The following GRAMD1B variants were observed in gnomAD, a reference collection of about 807,000 sequenced individuals.
The protein encoded by GRAMD1B is protein Aster-B.
In GRAMD1B, 37 loss-of-function variants were observed where a neutral mutation model predicts 99.7. The observed-to-expected ratio is 0.37, with a 90% confidence interval of 0.29 to 0.49. The LOEUF (loss-of-function observed/expected upper bound fraction) is 0.49, where lower values mean the gene tolerates loss of function less well. Ranked by LOEUF, GRAMD1B falls within the 20% of genes least tolerant of loss-of-function variation. The probability of loss-of-function intolerance (pLI) is 0.98; values close to 1 mark genes in which losing one functional copy is unlikely to be tolerated. For missense variants in GRAMD1B, 888 were observed against 1,009.2 expected (o/e 0.88, Z 1.63); for synonymous variants, 427 against 387.6 (o/e 1.10, Z -1.19).
At chr11:123,576,631 G>C (rs566324671) in intron 2 of GRAMD1B, among the ~76,000 whole-genome samples, 1 of 152,186 alleles carries the variant, frequency 6.6e-6, no homozygotes, top group Admixed American at 6.5e-5. Context: ...ATAAATGTTG[G>C]GGTAAGGGAA....
intron 2 of GRAMD1B, among the ~76,000 whole-genome samples, chr11:123,576,120 T>C (rs1948677428): frequency 6.6e-6 from 1 of 152,120 alleles, no homozygotes. Flanking sequence ...GATGTCCAGG[T>C]GGAAGGTTTT....
intron 1 of GRAMD1B, among the ~76,000 whole-genome samples, chr11:123,415,723 G>C (rs1350671306): frequency 6.6e-6 from 1 of 152,010 alleles, no homozygotes; most frequent in Admixed American, 6.6e-5. Context: ...ATTTAATAGC[G>C]ACTCTCCTGT....
chr11:123,514,666 A>T (rs1941499562), intron 2 of GRAMD1B, among the ~76,000 whole-genome samples: 2 of 152,182 alleles, frequency 1.3e-5, no homozygotes, highest in South Asian at 2.1e-4. Context: ...AGAAGCAGGG[A>T]GCTGAAGCGC....
chr11:123,406,545 C>A (rs909151310), intron 1 of GRAMD1B, among the ~76,000 whole-genome samples: 12 of 152,192 alleles, frequency 7.9e-5, no homozygotes, highest in African/African-American at 2.9e-4. Context: ...AGCCACTCTG[C>A]CGGGCCCATT....
chr11:123,560,450 G>T, intron 2 of GRAMD1B: 1 of 1,198,238 alleles, frequency 8.3e-7, no homozygotes, highest in Non-Finnish European at 1.1e-6. Flanking sequence ...GCAGAGCAAA[G>T]AAGCGCCCCC....
In GRAMD1B at chr11:123,491,474, C is replaced by T. The variant is rs187636672; in HGVS notation, c.452+10581C>T. 1.4e-4 allele frequency among the ~76,000 whole-genome samples: 21 copies of T among 152,274 alleles called. No individual in the cohort carries two copies. In the East Asian group the frequency reaches 2.5e-3, roughly 18 times the overall value. On this transcript the variant is annotated intron_variant, in intron 2 of 19. Transcript: ENST00000635736. ...CAGTGCTCCCTGCCCCTCCCCTTCCCCCAGCACCAGCAGCTGACATCACAT... is the reference window on the plus strand; with the variant it reads ...CAGTGCTCCCTGCCCCTCCCCTTCCTCCAGCACCAGCAGCTGACATCACAT...
At chr11:123,553,012 A>G (rs949835433) in intron 2 of GRAMD1B, among the ~76,000 whole-genome samples, 2 of 152,260 alleles carry the variant, frequency 1.3e-5, no homozygotes, top group Non-Finnish European at 2.9e-5. Context: ...TTAAAATAGT[A>G]TAGACCAATG....
chr11:123,373,459 A>G (rs1243062188), intron 1 of GRAMD1B, among the ~76,000 whole-genome samples: 4 of 152,192 alleles, frequency 2.6e-5, no homozygotes, highest in Admixed American at 2.6e-4. Flanking sequence ...AAAAGGTAGA[A>G]GTTCTCCCAA....
In GRAMD1B at chr11:123,603,438, A is replaced by G; in HGVS notation, c.1063A>G (p.Lys355Glu). 4 of 1,609,254 alleles carry G rather than the reference A, an allele frequency of 2.5e-6. No homozygotes were observed. Among genetic ancestry groups the G allele is most frequent in the Non-Finnish European group, 3.4e-6 (4 of 1,175,484 alleles). ...NALLEKPLCP[K>E]ELWHFVHQCY... ...TTCTCCCCTGAAGCCTCTGTGTCCC[A>G]AGGAGCTCTGGCACTTTGTTCACCA... Residue 355 changes from lysine to glutamate, a missense_variant, in exon 9 of 20, where the codon AAG (lysine) becomes GAG (glutamate). By Grantham distance (56) the Lys-to-Glu change is moderately conservative (BLOSUM62 1). Transcript: ENST00000635736.
At chr11:123,577,265 A>T (rs1350536115) in intron 2 of GRAMD1B, 102 bp from the exon 3 acceptor site, 2 of 964,180 alleles carry the variant, frequency 2.1e-6, no homozygotes, top group African/African-American at 1.6e-5. Flanking sequence ...TGGCTCCCTG[A>T]GCTGGCTCCT....
At chr11:123,556,318 G>A (rs1946179247) in intron 2 of GRAMD1B, among the ~76,000 whole-genome samples, 1 of 152,198 alleles carries the variant, frequency 6.6e-6, no homozygotes, top group South Asian at 2.1e-4. Flanking sequence ...TATTTTATTA[G>A]TATGCAGGTG....
intron 2 of GRAMD1B, among the ~76,000 whole-genome samples, chr11:123,566,466 T>A (rs1947375683): frequency 6.6e-6 from 1 of 152,206 alleles, no homozygotes; most frequent in Non-Finnish European, 1.5e-5. Flanking sequence ...TGAATGGCTT[T>A]AAGAAGATCC....
In GRAMD1B at chr11:123,618,685, C is replaced by T. The variant is rs758026752; in HGVS notation, c.2319-8C>T. 2 of 1,503,134 alleles carry T rather than the reference C, an allele frequency of 1.3e-6. No individual in the cohort carries two copies. The highest frequency in any genetic ancestry group is 9.1e-7 in the Non-Finnish European group (1 of 1,092,964). 93.1% of individuals were successfully genotyped at this position (1,503,134 alleles called of 1,614,324 possible). A position where few individuals can be genotyped will look rare whatever the true frequency, so the allele number is the denominator to read the frequency against. ...GCTGATGTTTTTTTCCCCACGTCTC[C>T]TTCCTAGTCTGGTGCTGCTGGTCAT... On this transcript the variant is annotated splice_region_variant and splice_polypyrimidine_tract_variant and intron_variant, in intron 17 of 19. Transcript: ENST00000635736.
rs1165350651 is a variant in GRAMD1B at position 123,591,235 on chromosome 11, A to AG, written c.685-2845dup. ...TGGGCATGCAGCTCTAGGAGCAGAA[A>AG]GGACACCTGTCAGAGTCACACAGGC... is the stretch of plus-strand genomic sequence containing the variant. On this transcript the variant is annotated intron_variant, in intron 4 of 19. Transcript: ENST00000635736. This position sits in a 1 kb window ranked among gnomAD's most constrained non-coding sequence, Gnocchi z 4.7. 2.5e-6 allele frequency: 1 copy of AG among 394,192 alleles called. No individual in the cohort carries two copies. Among genetic ancestry groups the AG allele is most frequent in the African/African-American group, 2.1e-5 (1 of 48,568 alleles). 24.4% of individuals were successfully genotyped at this position (394,192 alleles called of 1,614,324 possible).
At chr11:123,445,542 G>T (rs1177210866) in intron 1 of GRAMD1B, among the ~76,000 whole-genome samples, 3 of 152,014 alleles carry the variant, frequency 2.0e-5, no homozygotes, top group Non-Finnish European at 2.9e-5. Flanking sequence ...GGGGCCTGGC[G>T]CAGTGGCTTA....
At chr11:123,449,620 G>A (rs1949790411) in intron 1 of GRAMD1B, among the ~76,000 whole-genome samples, 1 of 151,744 alleles carries the variant, frequency 6.6e-6, no homozygotes, top group African/African-American at 2.4e-5. Context: ...TATCACCCAG[G>A]GTGGAGATTG....
At chr11:123,600,339 C>A in intron 7 of GRAMD1B, 129 bp from the exon 8 acceptor site, 1 of 614,482 alleles carries the variant, frequency 1.6e-6, no homozygotes, top group South Asian at 2.0e-5. Context: ...TACGTGATCA[C>A]AGGTAACTGA....
At chr11:123,470,539 G>T (rs1172019406) in intron 1 of GRAMD1B, among the ~76,000 whole-genome samples, 1 of 140,036 alleles carries the variant, frequency 7.1e-6, no homozygotes, top group Non-Finnish European at 1.5e-5. Context: ...TTTGAGGCGG[G>T]GTCTCACTCT....
At chr11:123,496,959 CTTA>C (rs931594373) in intron 2 of GRAMD1B, among the ~76,000 whole-genome samples, 1 of 151,988 alleles carries the variant, frequency 6.6e-6, no homozygotes, top group South Asian at 2.1e-4. Flanking sequence ...TCCTTGGTGC[CTTA>C]TTTAGTTTGT....
Sources: allele counts gnomAD v4.1 joint callset (sites outside exome capture counted in the v4.1 genomes callset), GRCh38; gene constraint gnomAD v4.1.1; non-coding constraint Gnocchi (gnomAD v3.1); transcripts MANE v1.5; gene names NCBI Gene and HGNC (gene_info 2026-07-23, HGNC 2026-07-21).